Variants in CAB39 observed in about 807,000 individuals in gnomAD.
CAB39 encodes calcium binding protein 39.
Under a neutral mutation model 40.0 loss-of-function variants are expected in CAB39, and 8 were observed. The observed-to-expected ratio is 0.20, with a 90% CI of 0.12 to 0.36. CAB39 has a LOEUF of 0.36. CAB39 is among the 10% of genes least tolerant of loss of function. CAB39 has a pLI of 1.00. For missense variants in CAB39, 270 were observed against 401.1 expected, an observed-to-expected ratio of 0.67 and a Z score of 2.79; for synonymous variants, 156 against 141.6, an observed-to-expected ratio of 1.10 and a Z score of -0.72.
At chr2:230,775,567 A>T (rs540405477) in intron 2 of CAB39, among the ~76,000 whole-genome samples, 1 of 152,308 alleles carries the variant, frequency 6.6e-6, no homozygotes, top group Non-Finnish European at 1.5e-5. Flanking sequence ...AACTAGTTAT[A>T]TGTAAGTTAG....
intron 6 of CAB39, among the ~76,000 whole-genome samples, chr2:230,811,108 A>G (rs1696296163): frequency 6.6e-6 from 1 of 152,238 alleles, no homozygotes; most frequent in African/African-American, 2.4e-5. Flanking sequence ...AGGTACCCGT[A>G]AAGAGGTTAG....
At position 230,742,421 on chromosome 2, in the gene CAB39, C is replaced by T. The variant is rs146539047; in HGVS notation, c.-43-17538C>T. Among the ~76,000 whole-genome samples, 341 of 152,210 alleles carry T rather than the reference C, an allele frequency of 2.2e-3. 1 individual carries two copies. Among genetic ancestry groups the T allele is most frequent in the African/African-American group, 7.9e-3 (328 of 41,538 alleles). The stretch of plus-strand genomic sequence containing the variant: ...CGATCTCCTGACCTCGTGATTCGCC[C>T]GCCTCGGCCTCCCACAGTGCTGGGA... On this transcript the variant is annotated intron_variant, in intron 1 of 8. Coordinates refer to ENST00000258418, the MANE Select transcript of CAB39 (RefSeq NM_016289.4).
intron 1 of CAB39, among the ~76,000 whole-genome samples, chr2:230,736,692 A>G (rs1694793634): frequency 6.6e-6 from 1 of 152,190 alleles, no homozygotes; most frequent in Non-Finnish European, 1.5e-5. Flanking sequence ...AATCGTGGTC[A>G]GGAGGAGGGG....
At chr2:230,737,134 C>CA (rs1316770662) in intron 1 of CAB39, among the ~76,000 whole-genome samples, 1 of 152,138 alleles carries the variant, frequency 6.6e-6, no homozygotes, top group African/African-American at 2.4e-5. Context: ...TTTTAATAGA[C>CA]ACAGTTTTAA....
At chr2:230,747,567 TACAGTGGTC>T (rs1229363754) in intron 1 of CAB39, among the ~76,000 whole-genome samples, 1 of 152,246 alleles carries the variant, frequency 6.6e-6, no homozygotes, top group East Asian at 1.9e-4. Context: ...AAACATGGAT[TACAGTGGTC>T]ACAGTGGTCA....
intron 2 of CAB39, among the ~76,000 whole-genome samples, chr2:230,784,194 A>T (rs1379484535): frequency 6.6e-6 from 1 of 151,888 alleles, no homozygotes; most frequent in Non-Finnish European, 1.5e-5. Context: ...GTTGAAGATG[A>T]CTCCTAAATT....
chr2:230,765,494 C>G (rs768610989), intron 2 of CAB39, among the ~76,000 whole-genome samples: 2 of 152,074 alleles, frequency 1.3e-5, no homozygotes, highest in Non-Finnish European at 2.9e-5. Flanking sequence ...AGTTAAAAGG[C>G]TGTGTATGAG....
intron 1 of CAB39, among the ~76,000 whole-genome samples, chr2:230,721,887 AC>A (rs1425621462): frequency 6.6e-6 from 1 of 152,206 alleles, no homozygotes; most frequent in African/African-American, 2.4e-5. Flanking sequence ...GGAAATACCC[AC>A]AAACATCTTG....
chr2:230,745,212 A>G (rs557786664), intron 1 of CAB39, among the ~76,000 whole-genome samples: 1 of 152,352 alleles, frequency 6.6e-6, no homozygotes, highest in South Asian at 2.1e-4. Flanking sequence ...TTAATGGTCT[A>G]CTTGACATAT....
chr2:230,769,598 TAA>T (rs566427452), intron 2 of CAB39, among the ~76,000 whole-genome samples: 137 of 152,248 alleles, frequency 9.0e-4, no homozygotes, highest in African/African-American at 3.2e-3. Context: ...TAGAAATGAA[TAA>T]CAGAAAAATC....
At chr2:230,802,975 T>C (rs2124971536) in intron 5 of CAB39, among the ~76,000 whole-genome samples, 1 of 152,168 alleles carries the variant, frequency 6.6e-6, no homozygotes. Context: ...TAGACCAATA[T>C]CCCTGATGAA....
intron 1 of CAB39, among the ~76,000 whole-genome samples, chr2:230,728,619 T>C (rs1002346986): frequency 1.6e-4 from 24 of 152,324 alleles, no homozygotes; most frequent in Admixed American, 4.6e-4. Flanking sequence ...ATCTTTTATA[T>C]GTTTTTTTGA....
intron 1 of CAB39, among the ~76,000 whole-genome samples, chr2:230,757,113 C>A (rs1048854628): frequency 9.9e-5 from 15 of 151,576 alleles, no homozygotes; most frequent in Non-Finnish European, 2.1e-4. Context: ...TCTTTTCCTC[C>A]TTATTTAAAT....
At chr2:230,736,250 AT>A (rs1466923367) in intron 1 of CAB39, among the ~76,000 whole-genome samples, 3 of 152,178 alleles carry the variant, frequency 2.0e-5, no homozygotes, top group Non-Finnish European at 4.4e-5. Context: ...ATCTTACAGT[AT>A]TTAACAAATT....
intron 1 of CAB39, among the ~76,000 whole-genome samples, chr2:230,720,017 C>A (rs1470791145): frequency 6.6e-5 from 10 of 152,114 alleles, no homozygotes; most frequent in African/African-American, 2.4e-4. Flanking sequence ...AAATGTTCTA[C>A]CTTTGTGCTT....
intron 1 of CAB39, among the ~76,000 whole-genome samples, chr2:230,738,937 T>TC (rs1166275312): frequency 6.6e-6 from 1 of 152,262 alleles, no homozygotes; most frequent in Non-Finnish European, 1.5e-5. Context: ...ATTTCACCAC[T>TC]CTCAGGTATG....
intron 5 of CAB39, among the ~76,000 whole-genome samples, chr2:230,803,216 TA>T (rs1332688306): frequency 1.3e-5 from 2 of 152,208 alleles, no homozygotes; most frequent in Admixed American, 6.5e-5. Flanking sequence ...CCTTTCGTGC[TA>T]AAAACTCTCA....
intron 1 of CAB39, among the ~76,000 whole-genome samples, chr2:230,749,644 T>A (rs1199562972): frequency 6.6e-6 from 1 of 152,244 alleles, no homozygotes; most frequent in African/African-American, 2.4e-5. Context: ...TTTTTTCATA[T>A]CGGTAGAAAT....
intron 1 of CAB39, among the ~76,000 whole-genome samples, chr2:230,735,294 G>GGCAGGCCTCCTGCCT (rs1173516038): frequency 1.1e-4 from 17 of 151,732 alleles, no homozygotes; most frequent in African/African-American, 3.9e-4. Flanking sequence ...AGCCTCCTGA[G>GGCAGGCCTCCTGCCT]CAGCTGGGAT....
Sources: gnomAD v4.1 joint callset for allele counts (sites outside exome capture counted in the v4.1 genomes callset) on GRCh38, gnomAD v4.1.1 for gene constraint, MANE v1.5 for transcripts, NCBI Gene and HGNC (gene_info 2026-07-23, HGNC 2026-07-21) for gene names.